The following BCO2 variants were observed in gnomAD, a reference collection of about 807,000 sequenced individuals.
BCO2 encodes beta-carotene oxygenase 2, also known as carotenoid-cleaving dioxygenase, mitochondrial.
BCO2 carries 56 observed loss-of-function variants against 65.8 expected under a neutral mutation model. The observed-to-expected ratio is 0.85, with a 90% CI of 0.69 to 1.06. BCO2 has a LOEUF of 1.06. BCO2 is among the 50% of genes least tolerant of loss of function. The pLI is 0.00. For missense variants in BCO2, 675 were observed against 698.5 expected, an observed-to-expected ratio of 0.97 and a Z score of 0.38; for synonymous variants, 233 against 242.3, an observed-to-expected ratio of 0.96 and a Z score of 0.36.
chr11:112,175,680 CG>C lies in BCO2; in HGVS notation c.81del (p.Leu28SerfsTer31). 1.9e-6 allele frequency: 3 copies of C among 1,612,926 alleles called. No homozygotes were observed. The African/African-American group carries it at 4.0e-5, about 22-fold the overall frequency. On this transcript the variant is annotated frameshift_variant, in exon 1 of 12. Transcript: ENST00000357685. LOFTEE classifies it high-confidence loss of function. ...GGATTTCCTTCCTGTGATGGTGCACCGGCTCCCAGGTAGAGGGTTTGCCCCT... is the reference window on the plus strand; with the variant it reads ...GGATTTCCTTCCTGTGATGGTGCACCGCTCCCAGGTAGAGGGTTTGCCCCT... ...AVDFLPVMVH[R>X]LPVFKRYMGN...
chr11:112,214,939 C>T lies in BCO2; in HGVS notation c.1510C>T (p.Leu504=). 1 of 1,614,076 alleles carries T rather than the reference C, an allele frequency of 6.2e-7. No homozygotes were observed. The highest frequency in any genetic ancestry group is 8.5e-7 in the Non-Finnish European group (1 of 1,179,942). ...CAAGGTTGATGTGGTGAATAAGACA[C>T]TGAAGGTGATGAAAAACTCTTTCCT... is the stretch of plus-strand genomic sequence containing the variant. ...LIKVDVVNKT[L]KVWREDGFYP... is the part of the protein sequence containing the mutation. Residue 504 remains leucine, a synonymous_variant, in exon 10 of 12, where the codon CTG becomes TTG. Transcript: ENST00000357685.
At chr11:112,190,652 C>T (rs530544994) in intron 2 of BCO2, among the ~76,000 whole-genome samples, 304 of 151,960 alleles carry the variant, frequency 2.0e-3, no homozygotes, top group African/African-American at 6.8e-3. Context: ...GTCAGGAGAT[C>T]GAGACCATCC....
chr11:112,187,305 T>C (rs1332659860), intron 2 of BCO2, among the ~76,000 whole-genome samples: 4 of 152,102 alleles, frequency 2.6e-5, no homozygotes, highest in African/African-American at 9.7e-5. Flanking sequence ...TCACTGCCTC[T>C]CCTCTGATGA....
rs79024690 is a variant in BCO2, at chr11:112,207,457, T to A, written c.1194+5267T>A. Among the ~76,000 whole-genome samples, 378 of 152,344 alleles carry A rather than the reference T, an allele frequency of 2.5e-3. 2 individuals carry two copies. The highest frequency in any genetic ancestry group is 8.6e-3 in the African/African-American group (357 of 41,584). On this transcript the variant is annotated intron_variant, in intron 8 of 11. Coordinates refer to ENST00000357685, the MANE Select transcript of BCO2 (RefSeq NM_031938.7). Reference sequence around the variant, plus strand: ...AAGGTAATGAAAATATTATCCTATGTTATCTTCTAGAGAAGTCAAGTATCT... The same window carrying A: ...AAGGTAATGAAAATATTATCCTATGATATCTTCTAGAGAAGTCAAGTATCT...
intron 2 of BCO2, among the ~76,000 whole-genome samples, chr11:112,188,353 A>G (rs1867268397): frequency 6.6e-6 from 1 of 152,160 alleles, no homozygotes; most frequent in South Asian, 2.1e-4. Context: ...TTAGGTGCTT[A>G]TCTTCTCTTG....
intron 1 of BCO2, among the ~76,000 whole-genome samples, chr11:112,177,672 T>C (rs1393956328): frequency 6.6e-6 from 1 of 152,210 alleles, no homozygotes; most frequent in African/African-American, 2.4e-5. Context: ...TTATTACTTA[T>C]AGCCTTAGAA....
At chr11:112,182,745 C>T (rs906926370) in intron 2 of BCO2, 8 of 548,742 alleles carry the variant, frequency 1.5e-5, no homozygotes, top group South Asian at 2.5e-5. Flanking sequence ...GGAGATATAC[C>T]TAATGTAAAT....
chr11:112,194,121 A>G (rs1867488120), intron 4 of BCO2, 127 bp downstream of exon 4: 5 of 633,908 alleles, frequency 7.9e-6, no homozygotes, highest in South Asian at 2.0e-5. Flanking sequence ...AAAGTTATTC[A>G]TGATGCAGGT....
Position 112,175,555 on chromosome 11 carries a change from G to A in BCO2, c.-47G>A. The A allele has an allele frequency of 2.1e-6, 3 of 1,408,256 alleles. No individual in the cohort carries two copies. Among genetic ancestry groups the A allele is most frequent in the African/African-American group, 1.4e-5 (1 of 70,786 alleles). 87.2% of individuals were successfully genotyped at this position (1,408,256 alleles called of 1,614,324 possible). On this transcript the variant is annotated 5_prime_UTR_variant, in exon 1 of 12. Transcript: ENST00000357685. ...TCACTGTTTAGTAGTACTCAAAACT[G>A]CCAGTGTGAGAGGATTTGGAAATCA...
intron 2 of BCO2, among the ~76,000 whole-genome samples, chr11:112,192,187 T>C (rs1043685179): frequency 2.0e-5 from 3 of 152,226 alleles, no homozygotes; most frequent in Non-Finnish European, 4.4e-5. Flanking sequence ...ACAGCATTTG[T>C]CTTTTTACGA....
chr11:112,187,277 C>T (rs545032974), intron 2 of BCO2, among the ~76,000 whole-genome samples: 2 of 152,318 alleles, frequency 1.3e-5, no homozygotes, highest in East Asian at 3.9e-4. Flanking sequence ...ACCACGCTCA[C>T]TTCCTTTGCC....
chr11:112,217,064 T>A (rs1464279663), intron 11 of BCO2, among the ~76,000 whole-genome samples: 1 of 152,182 alleles, frequency 6.6e-6, no homozygotes, highest in African/African-American at 2.4e-5. Flanking sequence ...TTTAAACAGC[T>A]CCAAAGTAAC....
Position 112,193,633 on chromosome 11 carries a change from G to A in BCO2, c.453G>A (p.Pro151=), listed in dbSNP as rs758755329. The A allele has an allele frequency of 1.4e-5, 22 of 1,613,958 alleles. No individual in the cohort carries two copies. Among genetic ancestry groups the A allele is most frequent in the Admixed American group, 1.3e-4 (8 of 59,996 alleles). Residue 151 remains proline, a synonymous_variant, in exon 3 of 12, where the codon CCG becomes CCA. Coordinates refer to ENST00000357685, the MANE Select transcript of BCO2 (RefSeq NM_031938.7). The part of the protein sequence containing the change: ...VISEFGTLAL[P]DPCKNVFERF... ...CAGAATTTGGCACACTGGCTCTCCC[G>A]GATCCATGCAAGAATGTTTTTGAAC...
Position 112,181,599 on chromosome 11 carries a change from A to AT in BCO2, c.293+2123dup, listed in dbSNP as rs917159795. ...TATTAGGTGTGTTAGAAGAAGCAAG[A>AT]TTTTTTGGTATTGACTCATTGAACA... is the stretch of plus-strand genomic sequence containing the variant. On this transcript the variant is annotated intron_variant, in intron 2 of 11. Transcript: ENST00000357685. The AT allele has an allele frequency of 1.1e-4, 83 of 761,916 alleles. No homozygotes were observed. The African/African-American group carries it at 1.3e-3, about 12-fold the overall frequency. 47.2% of individuals were successfully genotyped at this position (761,916 alleles called of 1,614,324 possible). A position where few individuals can be genotyped will look rare whatever the true frequency, so the allele number is the denominator to read the frequency against.
At chr11:112,175,877 G>A in intron 1 of BCO2, 188 bp downstream of exon 1, 1 of 516,360 alleles carries the variant, frequency 1.9e-6, no homozygotes, top group South Asian at 3.0e-5. Flanking sequence ...GTTTCCTCAT[G>A]GTCAGGGAAA....
rs536123937 is a variant in BCO2 at position 112,177,370 on chromosome 11, A to T, written c.88+1681A>T. 5.3e-5 allele frequency among the ~76,000 whole-genome samples: 8 copies of T among 152,310 alleles called. No individual in the cohort carries two copies. In the South Asian group the frequency reaches 1.7e-3, roughly 32 times the overall value. On this transcript the variant is annotated intron_variant, in intron 1 of 11. Coordinates refer to ENST00000357685, the MANE Select transcript of BCO2 (RefSeq NM_031938.7). ...TTAGGACCAGAATGGAGTCCAGGAA[A>T]CTGCATTTTAGCAGTAACACCAGGT...
intron 2 of BCO2, chr11:112,180,977 C>A (rs1592833723): frequency 1.6e-6 from 2 of 1,235,058 alleles, no homozygotes; most frequent in Non-Finnish European, 2.4e-6. Context: ...TGAAGGAGAG[C>A]CATTTATTGA....
intron 6 of BCO2, chr11:112,200,368 GA>G: frequency 1.5e-5 from 5 of 333,440 alleles, no homozygotes; most frequent in East Asian, 5.7e-5. Context: ...AAAAGAAAAG[GA>G]AAAAAAGATA....
intron 5 of BCO2, among the ~76,000 whole-genome samples, chr11:112,199,373 G>A (rs1365885466): frequency 6.6e-6 from 1 of 152,200 alleles, no homozygotes; most frequent in Non-Finnish European, 1.5e-5. Context: ...GGGCATTTGA[G>A]TTGGTTGCAA....
Sources: allele counts gnomAD v4.1 joint callset (sites outside exome capture counted in the v4.1 genomes callset), GRCh38; gene constraint gnomAD v4.1.1; transcripts MANE v1.5; gene names NCBI Gene and HGNC (gene_info 2026-07-23, HGNC 2026-07-21).